SMIM10L3: variants seen among roughly 807,000 people sequenced by gnomAD.
The protein encoded by SMIM10L3 is small integral membrane protein 10 like 3.
chr7:6,342,535 T>C, the SMIM10L3 span, among the ~76,000 whole-genome samples: 4 of 150,898 alleles, frequency 2.7e-5, no homozygotes, highest in Non-Finnish European at 5.9e-5. Context: ...CGAGACTCTG[T>C]CTCAAAAAAA....
the SMIM10L3 span, among the ~76,000 whole-genome samples, chr7:6,346,204 G>A: frequency 8.9e-4 from 135 of 152,166 alleles, no homozygotes; most frequent in Middle Eastern, 3.4e-3. Context: ...AGGCCTTCTC[G>A]TTTACCAGTC....
the SMIM10L3 span, chr7:6,330,971 A>G: frequency 6.2e-7 from 1 of 1,614,234 alleles, no homozygotes; most frequent in Non-Finnish European, 8.5e-7. Context: ...ATTTCCAGTG[A>G]TAATGCCTCA....
At chr7:6,342,991 C>A in the SMIM10L3 span, among the ~76,000 whole-genome samples, 1 of 150,724 alleles carries the variant, frequency 6.6e-6, no homozygotes, top group East Asian at 2.0e-4. Context: ...GAGCTATGAT[C>A]GCACCACTGC....
chr7:6,342,211 TCTTA>T, the SMIM10L3 span, among the ~76,000 whole-genome samples: 2 of 152,206 alleles, frequency 1.3e-5, no homozygotes, highest in African/African-American at 4.8e-5. Flanking sequence ...TTTCTTTGTT[TCTTA>T]CTTTCTCTTT....
chr7:6,348,878 G>T, the SMIM10L3 span: 13 of 388,540 alleles, frequency 3.3e-5, no homozygotes, highest in Admixed American at 5.4e-4. Flanking sequence ...ACCGGCGGGC[G>T]GGCGGGCCGC....
At chr7:6,330,449 C>T in the SMIM10L3 span, 2 of 1,614,172 alleles carry the variant, frequency 1.2e-6, no homozygotes, top group Admixed American at 3.3e-5. Context: ...TGCAGACCAT[C>T]TGAGGTGCTT....
chr7:6,335,617 T>C, the SMIM10L3 span, among the ~76,000 whole-genome samples: 2 of 152,214 alleles, frequency 1.3e-5, no homozygotes, highest in Non-Finnish European at 1.5e-5. Context: ...TGTTTTATAA[T>C]ATGTATCATA....
the SMIM10L3 span, among the ~76,000 whole-genome samples, chr7:6,348,102 G>A: frequency 7.7e-3 from 1,171 of 151,258 alleles, 7 homozygotes; most frequent in African/African-American, 0.027. Flanking sequence ...TAGAGACGGG[G>A]TTTCTCCGTG....
chr7:6,334,157 CT>C, the SMIM10L3 span, among the ~76,000 whole-genome samples: 64 of 151,590 alleles, frequency 4.2e-4, no homozygotes, highest in South Asian at 0.011. Flanking sequence ...AACTCCTGGT[CT>C]CTTAAGTGCT....
the SMIM10L3 span, among the ~76,000 whole-genome samples, chr7:6,338,211 A>C: frequency 6.6e-6 from 1 of 152,150 alleles, no homozygotes; most frequent in Non-Finnish European, 1.5e-5. Context: ...GAGGGCCACA[A>C]ATAACTTCTA....
chr7:6,343,495 A>G, the SMIM10L3 span, among the ~76,000 whole-genome samples: 4 of 147,504 alleles, frequency 2.7e-5, no homozygotes, highest in Non-Finnish European at 6.0e-5. Context: ...ATATAACTGA[A>G]AAGTTGTAGG....
chr7:6,334,118 T>C, the SMIM10L3 span, among the ~76,000 whole-genome samples: 12 of 150,986 alleles, frequency 7.9e-5, no homozygotes, highest in African/African-American at 1.5e-4. Flanking sequence ...AGTGCTGGGA[T>C]TACAAGCGTG....
At chr7:6,339,749 G>C in the SMIM10L3 span, among the ~76,000 whole-genome samples, 23 of 152,126 alleles carry the variant, frequency 1.5e-4, no homozygotes, top group East Asian at 4.1e-3. Context: ...GGGATTACAG[G>C]CAAGAGCCAC....
chr7:6,338,813 G>A, the SMIM10L3 span: 2 of 152,280 alleles, frequency 1.3e-5, no homozygotes, highest in Non-Finnish European at 2.9e-5. Flanking sequence ...AAAATATCTT[G>A]GCCCCAATGT....
the SMIM10L3 span, among the ~76,000 whole-genome samples, chr7:6,344,420 TCA>T: frequency 6.6e-6 from 1 of 152,124 alleles, no homozygotes; most frequent in African/African-American, 2.4e-5. Context: ...CCTACAATCT[TCA>T]CACTTGTGTC....
At chr7:6,341,240 T>G in the SMIM10L3 span, among the ~76,000 whole-genome samples, 3 of 150,216 alleles carry the variant, frequency 2.0e-5, no homozygotes, top group African/African-American at 4.9e-5. Context: ...GTCAGGAGAT[T>G]GAGACCATCC....
the SMIM10L3 span, among the ~76,000 whole-genome samples, chr7:6,348,073 G>A: frequency 1.1e-4 from 16 of 151,144 alleles, no homozygotes. Flanking sequence ...ACCACGCCCG[G>A]CTAATTCTGT....
chr7:6,339,632 C>T, the SMIM10L3 span, among the ~76,000 whole-genome samples: 6 of 151,756 alleles, frequency 4.0e-5, no homozygotes, highest in African/African-American at 7.3e-5. Flanking sequence ...TACAGGCGCC[C>T]GCCACCACGC....
chr7:6,330,811 G>A, the SMIM10L3 span: 7 of 1,614,062 alleles, frequency 4.3e-6, no homozygotes, highest in Non-Finnish European at 5.9e-6. Flanking sequence ...GGACACCCGA[G>A]CAAAACACTC....
Sources: gnomAD v4.1 joint callset for allele counts (sites outside exome capture counted in the v4.1 genomes callset) on GRCh38, gnomAD v4.1.1 for gene constraint, MANE v1.5 for transcripts, NCBI Gene and HGNC (gene_info 2026-07-23, HGNC 2026-07-21) for gene names.